The following EPB41 variants were observed in gnomAD, a reference collection of about 807,000 sequenced individuals.
EPB41 encodes the protein erythrocyte membrane protein band 4.1.
A neutral mutation model predicts 108.0 loss-of-function variants in EPB41; 65 were observed. The observed-to-expected ratio is 0.60, with a 90% CI of 0.49 to 0.74. EPB41 has a LOEUF of 0.74. EPB41 is among the 30% of genes least tolerant of loss of function. The pLI, the probability that EPB41 is intolerant of heterozygous loss-of-function variation, is 0.00. For missense variants in EPB41, 875 were observed against 1,037.0 expected, an observed-to-expected ratio of 0.84 and a Z score of 2.15; for synonymous variants, 336 against 358.9, an observed-to-expected ratio of 0.94 and a Z score of 0.72.
intron 1 of EPB41, among the ~76,000 whole-genome samples, chr1:28,906,534 G>C (rs72649212): frequency 0.039 from 5,956 of 152,286 alleles, 148 homozygotes; most frequent in Non-Finnish European, 0.059. Flanking sequence ...TAGGGTTGGA[G>C]AGGGTCATGG....
At chr1:28,908,953 A>G (rs1271700318) in intron 1 of EPB41, among the ~76,000 whole-genome samples, 4 of 151,480 alleles carry the variant, frequency 2.6e-5, no homozygotes, top group Non-Finnish European at 5.9e-5. Flanking sequence ...ACCAGAGGTC[A>G]GGAGTTCAAT....
intron 1 of EPB41, among the ~76,000 whole-genome samples, chr1:28,969,751 A>G (rs1214225288): frequency 1.3e-5 from 2 of 152,112 alleles, no homozygotes; most frequent in Non-Finnish European, 2.9e-5. Context: ...AATACAAAAA[A>G]TTAGCCGGGC....
intron 1 of EPB41, among the ~76,000 whole-genome samples, chr1:28,977,237 A>T (rs1446778970): frequency 6.6e-6 from 1 of 152,152 alleles, no homozygotes; most frequent in African/African-American, 2.4e-5. Context: ...CTAAATGGTG[A>T]TTATAAAGGA....
chr1:29,115,908 G>C lies in EPB41; in HGVS notation c.*6+105G>C. On this transcript the variant is annotated intron_variant, in intron 20 of 20. Coordinates refer to ENST00000343067, the MANE Select transcript of EPB41 (RefSeq NM_001376013.1). This position sits in a 1 kb window ranked among gnomAD's most constrained non-coding sequence, Gnocchi z 4.4. ...TGGGAGCCCATCCCCACAAAGAGGTGTTCACCCTGGGACTTGATAAAGGCA... is the reference window on the plus strand; with the variant it reads ...TGGGAGCCCATCCCCACAAAGAGGTCTTCACCCTGGGACTTGATAAAGGCA... 2 of 852,426 alleles carry C rather than the reference G, an allele frequency of 2.3e-6. No individual in the cohort carries two copies. Among genetic ancestry groups the C allele is most frequent in the South Asian group, 2.8e-5 (2 of 72,266 alleles). The allele number at this position is 852,426 out of a possible 1,614,324, so 52.8% of individuals were successfully genotyped here.
rs748788169 is a variant in EPB41, at chr1:28,892,093, CA to C, written c.-8+4905del. Among the ~76,000 whole-genome samples, 629 of 69,760 alleles carry C rather than the reference CA, an allele frequency of 9.0e-3. 2 individuals are homozygous for C. Among genetic ancestry groups the C allele is most frequent in the African/African-American group, 0.034 (557 of 16,542 alleles). The allele number at this position is 69,760 out of a possible 152,430, so 45.8% of individuals were successfully genotyped here. ...GGGCAATAAGAACAAGACTGCATCT[CA>C]AAAAAAAAAAAAAAAAAAAAAGAAT... On this transcript the variant is annotated intron_variant, in intron 1 of 16. Coordinates refer to the EPB41 transcript ENST00000347529.
At chr1:28,952,654 A>C (rs2094780520) in intron 1 of EPB41, among the ~76,000 whole-genome samples, 1 of 152,208 alleles carries the variant, frequency 6.6e-6, no homozygotes, top group Non-Finnish European at 1.5e-5. Flanking sequence ...TTCTTCAATA[A>C]TGTATTTTTT....
chr1:28,958,493 A>G (rs942721655), intron 1 of EPB41, among the ~76,000 whole-genome samples: 1 of 151,324 alleles, frequency 6.6e-6, no homozygotes, highest in Non-Finnish European at 1.5e-5. Context: ...TGTGGCATTT[A>G]GATAGTGGAA....
At chr1:28,963,588 C>G (rs2095283561) in intron 1 of EPB41, among the ~76,000 whole-genome samples, 1 of 152,068 alleles carries the variant, frequency 6.6e-6, no homozygotes, top group Non-Finnish European at 1.5e-5. Flanking sequence ...TCAGGAGATT[C>G]TTAACCTATT....
At chr1:29,027,641 C>G (rs2096737848) in intron 7 of EPB41, among the ~76,000 whole-genome samples, 1 of 151,048 alleles carries the variant, frequency 6.6e-6, no homozygotes, top group East Asian at 2.0e-4. Context: ...GAGACAAGGT[C>G]TCTCTATGTC....
chr1:28,967,323 A>G (rs972596254), intron 1 of EPB41, among the ~76,000 whole-genome samples: 1 of 152,038 alleles, frequency 6.6e-6, no homozygotes, highest in Admixed American at 6.6e-5. Context: ...CGGCCCTTTT[A>G]TGATTTCAGT....
At chr1:29,028,164 G>A (rs1421631895) in intron 7 of EPB41, among the ~76,000 whole-genome samples, 1 of 152,128 alleles carries the variant, frequency 6.6e-6, no homozygotes, top group Non-Finnish European at 1.5e-5. Context: ...ATTTATAGAA[G>A]CATGTAACTA....
intron 1 of EPB41, among the ~76,000 whole-genome samples, chr1:28,959,051 A>T (rs1324349558): frequency 6.6e-6 from 1 of 151,880 alleles, no homozygotes; most frequent in East Asian, 1.9e-4. Context: ...AAGAAGGCAG[A>T]TGCAGGGAAG....
intron 16 of EPB41, among the ~76,000 whole-genome samples, chr1:29,089,941 AT>A (rs1336858003): frequency 1.3e-5 from 2 of 152,170 alleles, no homozygotes; most frequent in Non-Finnish European, 2.9e-5. Context: ...CGTTGAGGGC[AT>A]TTGTGGTAAT....
chr1:29,010,113 G>A (rs886427609), intron 4 of EPB41, among the ~76,000 whole-genome samples: 4 of 152,150 alleles, frequency 2.6e-5, no homozygotes, highest in African/African-American at 9.7e-5. Flanking sequence ...GAGGTGGGCA[G>A]ATCACTTGAG....
intron 16 of EPB41, among the ~76,000 whole-genome samples, chr1:29,075,084 GA>G (rs1222517845): frequency 4.6e-5 from 7 of 151,088 alleles, no homozygotes; most frequent in African/African-American, 1.7e-4. Context: ...ATGAACCTGG[GA>G]GGCGGAGCTT....
At chr1:29,111,474 A>G (rs2151708107) in intron 18 of EPB41, among the ~76,000 whole-genome samples, 1 of 151,450 alleles carries the variant, frequency 6.6e-6, no homozygotes, top group African/African-American at 2.4e-5. Flanking sequence ...AGCTGACAAA[A>G]AACCCCGTCT....
intron 1 of EPB41, among the ~76,000 whole-genome samples, chr1:28,971,180 C>T (rs147388560): frequency 6.0e-5 from 4 of 66,328 alleles, no homozygotes; most frequent in African/African-American, 2.0e-4. Context: ...TTCTTTCTTT[C>T]TTTTTTTTTT....
intron 13 of EPB41, 51 bp from the exon 14 acceptor site, chr1:29,058,760 A>G (rs1645989867): frequency 7.2e-6 from 11 of 1,531,952 alleles, no homozygotes; most frequent in East Asian, 2.4e-5. Context: ...ACAAACTTCA[A>G]TGAGCAACAT....
At chr1:28,919,293 G>A (rs1195936965) in intron 1 of EPB41, among the ~76,000 whole-genome samples, 2 of 152,194 alleles carry the variant, frequency 1.3e-5, no homozygotes, top group Admixed American at 6.5e-5. Flanking sequence ...ACAGCAGCCA[G>A]TATAATTCAA....
Sources: gnomAD v4.1 joint callset for allele counts (sites outside exome capture counted in the v4.1 genomes callset) on GRCh38, gnomAD v4.1.1 for gene constraint, Gnocchi (gnomAD v3.1) non-coding constraint, MANE v1.5 for transcripts, NCBI Gene and HGNC (gene_info 2026-07-23, HGNC 2026-07-21) for gene names.